Variants in TAOK3 observed in about 807,000 individuals in gnomAD.
TAOK3 encodes the protein serine/threonine-protein kinase TAO3.
Under a neutral mutation model 120.4 loss-of-function variants are expected in TAOK3, and 40 were observed. The ratio of observed to expected loss-of-function variants is 0.33; its 90% CI spans 0.26 to 0.43. The LOEUF is 0.43. Ranked by LOEUF, TAOK3 falls within the 20% of genes least tolerant of loss-of-function variation. The probability of loss-of-function intolerance (pLI) is 1.00; values close to 1 mark genes in which losing one functional copy is unlikely to be tolerated. For missense variants in TAOK3, 821 were observed against 1,112.1 expected, an observed-to-expected ratio of 0.74 and a Z score of 3.72; for synonymous variants, 355 against 387.5, an observed-to-expected ratio of 0.92 and a Z score of 0.99.
Position 118,152,301 on chromosome 12 carries a change from CTGTT to C in TAOK3, c.2457_2460del (p.Thr820ArgfsTer11). 1 of 1,614,218 alleles carries C rather than the reference CTGTT, an allele frequency of 6.2e-7. No homozygotes were observed. Among genetic ancestry groups the C allele is most frequent in the Non-Finnish European group, 8.5e-7 (1 of 1,180,044 alleles). On this transcript the variant is annotated frameshift_variant, in exon 20 of 21. Coordinates refer to ENST00000392533, the MANE Select transcript of TAOK3 (RefSeq NM_016281.4). LOFTEE classifies it high-confidence loss of function. ...TGGAGCTCACGTTCATGTTGTGCCT[CTGTT>C]TGCATCTTGATTTTGCTCTGGTAGG...
At chr12:118,355,961 C>G (rs2045372602) in intron 1 of TAOK3, among the ~76,000 whole-genome samples, 1 of 152,134 alleles carries the variant, frequency 6.6e-6, no homozygotes, top group African/African-American at 2.4e-5. Flanking sequence ...ATCTGCCACA[C>G]TCTTATTAAA....
chr12:118,173,725 G>A (rs1161574693), intron 16 of TAOK3, among the ~76,000 whole-genome samples: 1 of 152,192 alleles, frequency 6.6e-6, no homozygotes, highest in Non-Finnish European at 1.5e-5. Context: ...CAGTGAATCA[G>A]GACTGTTAAG....
rs1243287919 is a variant in TAOK3 at position 118,336,758 on chromosome 12, A to C, written c.-194+35890T>G. ...TCAAAACCCAACAGTAAATTACAGC[A>C]AAAAAAACTCCAATTACAAAAAGGG... On this transcript the variant is annotated intron_variant, in intron 1 of 20. Coordinates refer to ENST00000392533, the MANE Select transcript of TAOK3 (RefSeq NM_016281.4). 3.3e-5 allele frequency among the ~76,000 whole-genome samples: 5 copies of C among 151,950 alleles called. No individual in the cohort carries two copies. The East Asian group carries it at 9.8e-4, about 30-fold the overall frequency.
chr12:118,193,465 G>A (rs1262848365), intron 13 of TAOK3, among the ~76,000 whole-genome samples: 1 of 152,228 alleles, frequency 6.6e-6, no homozygotes, highest in Non-Finnish European at 1.5e-5. Context: ...AGTGAAACAT[G>A]TGAAGCATGA....
intron 2 of TAOK3, among the ~76,000 whole-genome samples, chr12:118,260,546 T>C (rs914750430): frequency 1.3e-5 from 2 of 152,172 alleles, no homozygotes; most frequent in Non-Finnish European, 2.9e-5. Flanking sequence ...ATGTTAAAAT[T>C]AGTGGTCAAG....
chr12:118,325,981 G>GCACCCAA (rs2043921539), intron 1 of TAOK3, among the ~76,000 whole-genome samples: 1 of 152,118 alleles, frequency 6.6e-6, no homozygotes, highest in Non-Finnish European at 1.5e-5. Context: ...CACCCAGCCT[G>GCACCCAA]TCTCTTCACT....
At chr12:118,186,338 A>T (rs2037074957) in intron 14 of TAOK3, among the ~76,000 whole-genome samples, 1 of 152,210 alleles carries the variant, frequency 6.6e-6, no homozygotes, top group Non-Finnish European at 1.5e-5. Flanking sequence ...ATTCCTTCAC[A>T]AAACCAAAAG....
intron 1 of TAOK3, among the ~76,000 whole-genome samples, chr12:118,295,573 G>A (rs531835075): frequency 7.2e-5 from 11 of 152,026 alleles, no homozygotes; most frequent in Non-Finnish European, 1.2e-4. Flanking sequence ...TTTCTCTCTC[G>A]ATTATAAACT....
chr12:118,174,685 CAG>C (rs1336316982), intron 16 of TAOK3, among the ~76,000 whole-genome samples: 1 of 151,936 alleles, frequency 6.6e-6, no homozygotes, highest in Non-Finnish European at 1.5e-5. Flanking sequence ...TTTTTTGAGA[CAG>C]AGTCTTACTC....
intron 1 of TAOK3, among the ~76,000 whole-genome samples, chr12:118,335,699 G>C (rs1297514442): frequency 6.6e-6 from 1 of 152,104 alleles, no homozygotes; most frequent in East Asian, 1.9e-4. Context: ...GGGCGTGGTG[G>C]TGGGCACCTG....
intron 1 of TAOK3, among the ~76,000 whole-genome samples, chr12:118,269,383 CTTTT>C (rs1174725563): frequency 7.7e-5 from 8 of 103,884 alleles, no homozygotes; most frequent in African/African-American, 1.6e-4. Context: ...TCTCTCTCTT[CTTTT>C]TTTTTTTTTT....
intron 1 of TAOK3, among the ~76,000 whole-genome samples, chr12:118,300,508 T>C (rs2042838785): frequency 6.6e-6 from 1 of 152,158 alleles, no homozygotes; most frequent in South Asian, 2.1e-4. Flanking sequence ...CTCACAAATC[T>C]AAAACCAACC....
chr12:118,361,651 G>T (rs1216336495), intron 1 of TAOK3, among the ~76,000 whole-genome samples: 1 of 151,862 alleles, frequency 6.6e-6, no homozygotes, highest in Admixed American at 6.6e-5. Flanking sequence ...AGAGACGGGG[G>T]TTTCACCATG....
At chr12:118,337,017 A>G (rs944982121) in intron 1 of TAOK3, among the ~76,000 whole-genome samples, 1 of 152,136 alleles carries the variant, frequency 6.6e-6, no homozygotes, top group Non-Finnish European at 1.5e-5. Context: ...CTAAGATTGC[A>G]CCACTGCACT....
intron 3 of TAOK3, among the ~76,000 whole-genome samples, chr12:118,245,266 C>G (rs1053917761): frequency 6.6e-6 from 1 of 151,906 alleles, no homozygotes; most frequent in African/African-American, 2.4e-5. Flanking sequence ...AAACTCCTGA[C>G]TTCAAATGAT....
chr12:118,289,296 C>CAAA (rs59297201), intron 1 of TAOK3, among the ~76,000 whole-genome samples: 1,003 of 78,210 alleles, frequency 0.013, 31 homozygotes, highest in African/African-American at 0.032. Flanking sequence ...AAGACTGTCT[C>CAAA]AAAAAAAAAA....
intron 1 of TAOK3, among the ~76,000 whole-genome samples, chr12:118,328,799 A>T (rs1348050072): frequency 6.6e-6 from 1 of 152,252 alleles, no homozygotes; most frequent in African/African-American, 2.4e-5. Flanking sequence ...GTGCAGTGTT[A>T]ATCAAGATAA....
At position 118,222,118 on chromosome 12, in the gene TAOK3, A is replaced by G. The variant is rs572192160; in HGVS notation, c.644-8008T>C. Among the ~76,000 whole-genome samples the G allele has an allele frequency of 2.0e-5, 3 of 152,304 alleles. No homozygotes were observed. The South Asian group carries it at 6.2e-4, about 32-fold the overall frequency. On this transcript the variant is annotated intron_variant, in intron 9 of 20. Transcript: ENST00000392533. ...GGTCAGTTTGATCAAGTTTCTGGAT[A>G]CTGCTCTGCTTGGTAAAGAGTAAAC... is the stretch of plus-strand genomic sequence containing the variant.
Position 118,151,287 on chromosome 12 carries a change from GCGCACACA to G in TAOK3, c.2536-137_2536-130del, listed in dbSNP as rs1296172440. On this transcript the variant is annotated intron_variant, in intron 20 of 20. Transcript: ENST00000392533. ...AGGCACACACATGAAGTGCGCGCGC[GCGCACACA>G]CACACACACACACACACACACACAG... 2,842 of 474,642 alleles carry G rather than the reference GCGCACACA, an allele frequency of 6.0e-3. 47 individuals are homozygous for G. Among genetic ancestry groups the G allele is most frequent in the African/African-American group, 0.034 (1,428 of 42,470 alleles). 29.4% of individuals were successfully genotyped at this position (474,642 alleles called of 1,614,324 possible).
Sources: gnomAD v4.1 joint callset for allele counts (sites outside exome capture counted in the v4.1 genomes callset) on GRCh38, gnomAD v4.1.1 for gene constraint, MANE v1.5 for transcripts, NCBI Gene and HGNC (gene_info 2026-07-23, HGNC 2026-07-21) for gene names.